Variants in RASL12 observed in about 807,000 individuals in gnomAD.
RASL12 encodes RAS like family 12.
In RASL12, 16 loss-of-function variants were observed where a neutral mutation model predicts 22.9. That is an observed-to-expected ratio of 0.70 (90% CI 0.47 to 1.06). The LOEUF is 1.06. RASL12 is among the 50% of genes least tolerant of loss of function. The pLI is 0.00. For missense variants in RASL12, 306 were observed against 353.1 expected (o/e 0.87, Z 1.07); for synonymous variants, 159 against 152.2 (o/e 1.04, Z -0.33).
Position 65,059,399 on chromosome 15 carries a change from C to G in RASL12, c.180G>C (p.Glu60Asp), listed in dbSNP as rs774590874. ...DPNLEDTYSS[E>D]ETVDHQPVHL... is the part of the protein sequence containing the mutation. ...GGACAGGCTGGTGGTCCACAGTCTC[C>G]TCGGAGCTGTAGGTGTCCTCTACAA... Residue 60 changes from glutamate to aspartate, a missense_variant, in exon 3 of 5, where the codon GAG (glutamate) becomes GAC (aspartate). Physicochemically the swap from Glu to Asp is conservative, Grantham distance 45. Coordinates refer to ENST00000220062, the MANE Select transcript of RASL12 (RefSeq NM_016563.4). 6.2e-7 allele frequency: 1 copy of G among 1,613,810 alleles called. No individual in the cohort carries two copies. The highest frequency in any genetic ancestry group is 1.3e-5 in the African/African-American group (1 of 74,928).
chr15:65,050,455 C>T (rs766368189), downstream of RASL12, among the ~76,000 whole-genome samples: 1 of 152,168 alleles, frequency 6.6e-6, no homozygotes, highest in Non-Finnish European at 1.5e-5. Flanking sequence ...ACAACTAAAA[C>T]GCATAGTGCG....
At chr15:65,071,177 G>A (rs187350187), upstream of RASL12, among the ~76,000 whole-genome samples, 6 of 152,308 alleles carry the variant, frequency 3.9e-5, no homozygotes, top group Non-Finnish European at 5.9e-5. Flanking sequence ...CTTAACAGAC[G>A]CCTACTGTAT....
intron 1 of RASL12, among the ~76,000 whole-genome samples, chr15:65,066,648 A>G (rs556140479): frequency 5.3e-5 from 8 of 152,246 alleles, no homozygotes; most frequent in Non-Finnish European, 8.8e-5. Context: ...GTCACTGGCT[A>G]AACGGTACCG....
In RASL12 at chr15:65,075,800, G is replaced by A. The variant is rs181207684; in HGVS notation, c.70+729C>T. ...TTGTGAGTGCACCAATCAACACTCT[G>A]TATCTAGCTGCTCTGGTGGGGCCTT... On this transcript the variant is annotated intron_variant, in intron 1 of 4. Coordinates refer to the RASL12 transcript ENST00000434605. 1.9e-3 allele frequency among the ~76,000 whole-genome samples: 281 copies of A among 151,820 alleles called. 1 individual carries two copies. Among genetic ancestry groups the A allele is most frequent in the African/African-American group, 6.1e-3 (254 of 41,340 alleles).
At chr15:65,052,708 C>A (rs1256871463), downstream of RASL12, among the ~76,000 whole-genome samples, 1 of 152,092 alleles carries the variant, frequency 6.6e-6, no homozygotes, top group East Asian at 1.9e-4. Context: ...CCTTGAAGCA[C>A]ATTTCCTCAC....
In RASL12 at chr15:65,058,621, G is replaced by A; in HGVS notation, c.235-4C>T. On this transcript the variant is annotated splice_polypyrimidine_tract_variant and splice_region_variant and intron_variant, in intron 3 of 4. Transcript: ENST00000220062. The stretch of plus-strand genomic sequence containing the variant: ...GCTCGCAGTTCCTGGGGGTGTCCTG[G>A]GGTGAAGGTGAGAAGCCCCGCCGGG... The A allele has an allele frequency of 6.6e-7, 1 of 1,522,440 alleles. No homozygotes were observed. Among genetic ancestry groups the A allele is most frequent in the East Asian group, 2.4e-5 (1 of 41,672 alleles). 94.3% of individuals were successfully genotyped at this position (1,522,440 alleles called of 1,614,324 possible).
rs1018051914 is a variant in RASL12 at position 65,054,511 on chromosome 15, A to G, written c.*388T>C. 3 of 1,013,580 alleles carry G rather than the reference A, an allele frequency of 3.0e-6. No homozygotes were observed. Among genetic ancestry groups the G allele is most frequent in the East Asian group, 9.3e-5 (1 of 10,712 alleles). The allele number at this position is 1,013,580 out of a possible 1,614,324, so 62.8% of individuals were successfully genotyped here. A position where few individuals can be genotyped will look rare whatever the true frequency, so the allele number is the denominator to read the frequency against. ...TCCGCAGGCTGTTCTCGGGCCTGAC[A>G]TTGACAGAGCCATCCACCCAGACCA... On this transcript the variant is annotated 3_prime_UTR_variant, in exon 5 of 5. Transcript: ENST00000220062.
chr15:65,059,491 C>A, intron 2 of RASL12, 73 bp from the exon 3 acceptor site: 5 of 1,223,490 alleles, frequency 4.1e-6, no homozygotes, highest in Middle Eastern at 2.6e-4. Context: ...CTGTGCTAGA[C>A]CCCTGTGTGG....
intron 4 of RASL12, among the ~76,000 whole-genome samples, chr15:65,055,603 C>T (rs1346207797): frequency 2.0e-5 from 3 of 152,122 alleles, no homozygotes; most frequent in Admixed American, 6.5e-5. Context: ...TATGCTAGAC[C>T]CTGCCTGTGG....
intron 2 of RASL12, 94 bp downstream of exon 2, chr15:65,065,123 G>T: frequency 8.5e-7 from 1 of 1,182,096 alleles, no homozygotes; most frequent in Non-Finnish European, 1.2e-6. Flanking sequence ...CCCCAGACAT[G>T]CAGTCCTGGT....
Position 65,067,972 on chromosome 15 carries a change from G to A in RASL12, c.-137C>T. On this transcript the variant is annotated 5_prime_UTR_variant, in exon 1 of 5. Coordinates refer to ENST00000220062, the MANE Select transcript of RASL12 (RefSeq NM_016563.4). ...CGGACCCGTCGGCGTCCGCGCCCTC[G>A]GCCCCGCGTCCAGCGGGCTGCCACC... 8.5e-7 allele frequency: 1 copy of A among 1,177,862 alleles called. No homozygotes were observed. The highest frequency in any genetic ancestry group is 1.0e-6 in the Non-Finnish European group (1 of 953,470). The allele number at this position is 1,177,862 out of a possible 1,614,324, so 73.0% of individuals were successfully genotyped here. A position where few individuals can be genotyped will look rare whatever the true frequency, so the allele number is the denominator to read the frequency against.
At chr15:65,050,836 C>CTTCTT (rs759242705), downstream of RASL12, among the ~76,000 whole-genome samples, 10 of 95,650 alleles carry the variant, frequency 1.0e-4, no homozygotes, top group Non-Finnish European at 1.5e-4. Flanking sequence ...TCTTCTTCTT[C>CTTCTT]TTTTTTTTTT....
intron 2 of RASL12, among the ~76,000 whole-genome samples, chr15:65,063,806 T>C (rs991632736): frequency 6.6e-6 from 1 of 152,234 alleles, no homozygotes; most frequent in South Asian, 2.1e-4. Flanking sequence ...ACACTGGTGC[T>C]GGACTCCAGC....
intron 4 of RASL12, among the ~76,000 whole-genome samples, chr15:65,056,136 G>A (rs566105492): frequency 6.6e-6 from 1 of 152,206 alleles, no homozygotes. Flanking sequence ...GAGATGGGGG[G>A]GTCCCTGAGA....
At chr15:65,071,360 T>A (rs76861539), upstream of RASL12, among the ~76,000 whole-genome samples, 94 of 152,140 alleles carry the variant, frequency 6.2e-4, no homozygotes, top group African/African-American at 1.8e-3. Context: ...GCCTGGGAAC[T>A]CTGTGGGCTG....
At chr15:65,070,755 C>T (rs973339343), upstream of RASL12, among the ~76,000 whole-genome samples, 1 of 152,208 alleles carries the variant, frequency 6.6e-6, no homozygotes, top group Non-Finnish European at 1.5e-5. Context: ...GGTACCCTTT[C>T]GCGATGTGGT....
chr15:65,050,235 G>A, downstream of RASL12: 1 of 712,842 alleles, frequency 1.4e-6, no homozygotes, highest in Non-Finnish European at 2.4e-6. Flanking sequence ...GAATCAGTCG[G>A]GGTGTCTCAG....
chr15:65,063,669 C>T (rs757782590), intron 2 of RASL12, among the ~76,000 whole-genome samples: 1 of 152,220 alleles, frequency 6.6e-6, no homozygotes, highest in Non-Finnish European at 1.5e-5. Context: ...CCCATGGGAA[C>T]CCCTTTGCTC....
chr15:65,060,252 G>A (rs1174135848), intron 2 of RASL12, among the ~76,000 whole-genome samples: 1 of 152,184 alleles, frequency 6.6e-6, no homozygotes, highest in Non-Finnish European at 1.5e-5. Context: ...GAGGGCAGTG[G>A]GAATGATGGT....
Sources: gnomAD v4.1 joint callset for allele counts (sites outside exome capture counted in the v4.1 genomes callset) on GRCh38, gnomAD v4.1.1 for gene constraint, MANE v1.5 for transcripts, NCBI Gene and HGNC (gene_info 2026-07-23, HGNC 2026-07-21) for gene names.